The following BEND4 variants were observed in gnomAD, a reference collection of about 807,000 sequenced individuals.
BEND4 encodes BEN domain containing 4, also known as BEN domain-containing protein 4.
A neutral mutation model predicts 54.7 loss-of-function variants in BEND4; 27 were observed. The ratio of observed to expected loss-of-function variants is 0.49; its 90% confidence interval spans 0.36 to 0.68. The LOEUF (loss-of-function observed/expected upper bound fraction) is 0.68. BEND4 is among the 30% of genes least tolerant of loss of function. The pLI, the probability that BEND4 is intolerant of heterozygous loss-of-function variation, is 0.00. For missense variants in BEND4, 702 were observed against 697.2 expected, an observed-to-expected ratio of 1.01 and a Z score of -0.08; for synonymous variants, 327 against 299.5, an observed-to-expected ratio of 1.09 and a Z score of -0.95.
At chr4:42,139,592 A>G (rs374540642) in intron 3 of BEND4, among the ~76,000 whole-genome samples, 6,005 of 137,054 alleles carry the variant, frequency 0.044, 151 homozygotes, top group African/African-American at 0.08. Flanking sequence ...TTTATTTCAG[A>G]AAAAAAAAAA....
At chr4:42,137,415 G>C (rs759245199) in intron 3 of BEND4, among the ~76,000 whole-genome samples, 1 of 152,138 alleles carries the variant, frequency 6.6e-6, no homozygotes, top group African/African-American at 2.4e-5. Flanking sequence ...TAAAAGTCCT[G>C]GAAGACAAAG....
Position 42,151,618 on chromosome 4 carries a change from G to T in BEND4, c.487+39C>A, listed in dbSNP as rs551610629. On this transcript the variant is annotated intron_variant, in intron 2 of 5. Coordinates refer to ENST00000502486, the MANE Select transcript of BEND4 (RefSeq NM_207406.4). ...TCCTGGGTCCCCTCCCGCTGCCCCC[G>T]GCCGTGGCGGGAAGGAAAGTTGTGC... is the stretch of plus-strand genomic sequence containing the variant. 268 of 1,435,408 alleles carry T rather than the reference G, an allele frequency of 1.9e-4. 6 individuals are homozygous for T. In the South Asian group the frequency reaches 3.7e-3, roughly 20 times the overall value. The allele number at this position is 1,435,408 out of a possible 1,614,324, so 88.9% of individuals were successfully genotyped here.
In BEND4 at chr4:42,152,069, G is replaced by A; in HGVS notation, c.75C>T (p.Ser25=). Residue 25 remains serine, a synonymous_variant, in exon 2 of 6, where the codon AGC becomes AGT. Coordinates refer to ENST00000502486, the MANE Select transcript of BEND4 (RefSeq NM_207406.4). ...PKIYKQRSPY[S]VLKTFPSKRP... Reference sequence around the variant, plus strand: ...TCTTGCTGGGGAACGTCTTGAGGACGCTGTAGGGGCTGCGCTGCTTGTAGA... The same window carrying A: ...TCTTGCTGGGGAACGTCTTGAGGACACTGTAGGGGCTGCGCTGCTTGTAGA... The A allele has an allele frequency of 8.0e-7, 1 of 1,251,812 alleles. No homozygotes were observed. Among genetic ancestry groups the A allele is most frequent in the Non-Finnish European group, 1.0e-6 (1 of 990,506 alleles). The allele number at this position is 1,251,812 out of a possible 1,614,324, so 77.5% of individuals were successfully genotyped here.
At chr4:42,129,665 G>A (rs963714236) in intron 3 of BEND4, among the ~76,000 whole-genome samples, 85 of 152,166 alleles carry the variant, frequency 5.6e-4, no homozygotes, top group African/African-American at 2.0e-3. Flanking sequence ...GGGAGAACTG[G>A]CTAGCCATAT....
At position 42,151,863 on chromosome 4, in the gene BEND4, G is replaced by T; in HGVS notation, c.281C>A (p.Ala94Asp). The change falls in exon 2 of 6, where the codon GCC (alanine) becomes GAC (aspartate). Residue 94 changes from alanine (A) to aspartate (D), a missense_variant. Physicochemically the swap from Ala to Asp is moderately radical, Grantham distance 126. Coordinates refer to ENST00000502486, the MANE Select transcript of BEND4 (RefSeq NM_207406.4). ...SSYPPGPGRA[A>D]AAASSSSPSC... is the part of the protein sequence containing the mutation. Reference sequence around the variant, plus strand: ...CGGCGACGACGACGAAGCGGCGGCGGCGGCCCGGCCGGGCCCGGGGGGGTA... The same window carrying T: ...CGGCGACGACGACGAAGCGGCGGCGTCGGCCCGGCCGGGCCCGGGGGGGTA... 1.5e-6 allele frequency: 2 copies of T among 1,319,178 alleles called. No individual in the cohort carries two copies. Among genetic ancestry groups the T allele is most frequent in the Non-Finnish European group, 1.9e-6 (2 of 1,043,794 alleles). The allele number at this position is 1,319,178 out of a possible 1,614,324, so 81.7% of individuals were successfully genotyped here.
chr4:42,151,609 G>C, intron 2 of BEND4, 48 bp downstream of exon 2: 1 of 1,422,686 alleles, frequency 7.0e-7, no homozygotes, highest in Non-Finnish European at 9.1e-7. Context: ...GTCCCCTCCC[G>C]CTGCCCCCGG....
At chr4:42,148,417 A>G (rs1170213779) in intron 2 of BEND4, among the ~76,000 whole-genome samples, 1 of 152,238 alleles carries the variant, frequency 6.6e-6, no homozygotes, top group East Asian at 1.9e-4. Flanking sequence ...CATCCTGCTC[A>G]GTCAATCCCT....
chr4:42,125,022 G>A (rs186923053), intron 4 of BEND4, among the ~76,000 whole-genome samples: 2 of 152,276 alleles, frequency 1.3e-5, no homozygotes, highest in South Asian at 2.1e-4. Flanking sequence ...CTCAAGTCTC[G>A]TATGAAAGTC....
rs75268489 is a variant in BEND4 at position 42,140,096 on chromosome 4, G to C, written c.1054+3332C>G. Reference sequence around the variant, plus strand: ...AATGGGCATTGAGAGGTAAGGGCAAGAGGGCAGTGACTTCTCCCTTTGATC... The same window carrying C: ...AATGGGCATTGAGAGGTAAGGGCAACAGGGCAGTGACTTCTCCCTTTGATC... On this transcript the variant is annotated intron_variant, in intron 3 of 5. Transcript: ENST00000502486. Among the ~76,000 whole-genome samples, 670 of 152,310 alleles carry C rather than the reference G, an allele frequency of 4.4e-3. 5 individuals are homozygous for C. Among genetic ancestry groups the C allele is most frequent in the African/African-American group, 0.013 (555 of 41,558 alleles).
At chr4:42,132,365 T>G (rs909898585) in intron 3 of BEND4, among the ~76,000 whole-genome samples, 1 of 152,216 alleles carries the variant, frequency 6.6e-6, no homozygotes, top group African/African-American at 2.4e-5. Flanking sequence ...CAGGGGATCG[T>G]TGAGGAGCTG....
At position 42,111,448 on chromosome 4, in the gene BEND4, T is replaced by A. The variant is rs1430052856; in HGVS notation, c.*6070A>T. On this transcript the variant is annotated 3_prime_UTR_variant, in exon 6 of 6. Coordinates refer to ENST00000502486, the MANE Select transcript of BEND4 (RefSeq NM_207406.4). Reference sequence around the variant, plus strand: ...AGAGGAGAGACATAAAGGCAATGCCTAAATTGCGCAGGGTCGGGCTGGAAC... The same window carrying A: ...AGAGGAGAGACATAAAGGCAATGCCAAAATTGCGCAGGGTCGGGCTGGAAC... 1 of 152,142 alleles carries A rather than the reference T, an allele frequency of 6.6e-6. No individual in the cohort carries two copies. Among genetic ancestry groups the A allele is most frequent in the Admixed American group, 6.5e-5 (1 of 15,278 alleles). The allele number at this position is 152,142 out of a possible 1,614,324, so 9.4% of individuals were successfully genotyped here. A position where few individuals can be genotyped will look rare whatever the true frequency, so the allele number is the denominator to read the frequency against.
chr4:42,131,919 C>T (rs1720520402), intron 3 of BEND4, among the ~76,000 whole-genome samples: 1 of 152,124 alleles, frequency 6.6e-6, no homozygotes, highest in Non-Finnish European at 1.5e-5. Flanking sequence ...CCAAGGCCTG[C>T]TGCAAAGGAT....
intron 2 of BEND4, among the ~76,000 whole-genome samples, chr4:42,149,681 A>G (rs1721193342): frequency 6.6e-6 from 1 of 152,186 alleles, no homozygotes; most frequent in Non-Finnish European, 1.5e-5. Context: ...AGGACATCAG[A>G]AGGAACACTG....
At chr4:42,146,612 T>C (rs1721090916) in intron 2 of BEND4, among the ~76,000 whole-genome samples, 1 of 152,210 alleles carries the variant, frequency 6.6e-6, no homozygotes, top group African/African-American at 2.4e-5. Flanking sequence ...GTTTCTGTTC[T>C]TTTATTAGTA....
In BEND4 at chr4:42,111,244, T is replaced by C. The variant is rs1302438987; in HGVS notation, c.*6274A>G. On this transcript the variant is annotated 3_prime_UTR_variant, in exon 6 of 6. Transcript: ENST00000502486. Reference sequence around the variant, plus strand: ...TGTAGCTTTATTAACATATCCCTAGTGGGTATTAACTCTACACAGTACAAT... The same window carrying C: ...TGTAGCTTTATTAACATATCCCTAGCGGGTATTAACTCTACACAGTACAAT... 6.6e-6 allele frequency: 1 copy of C among 152,208 alleles called. No homozygotes were observed. Among genetic ancestry groups the C allele is most frequent in the South Asian group, 2.1e-4 (1 of 4,836 alleles). 9.4% of individuals were successfully genotyped at this position (152,208 alleles called of 1,614,324 possible).
At position 42,111,974 on chromosome 4, in the gene BEND4, C is replaced by A. The variant is rs1305822855; in HGVS notation, c.*5544G>T. On this transcript the variant is annotated 3_prime_UTR_variant, in exon 6 of 6. Coordinates refer to ENST00000502486, the MANE Select transcript of BEND4 (RefSeq NM_207406.4). ...GATCTTACGTAGGTCAAGCCTTATA[C>A]AGAAACCTGGGCAGATCCCAGAGGA... The A allele has an allele frequency of 6.6e-6, 1 of 152,194 alleles. No homozygotes were observed. The highest frequency in any genetic ancestry group is 1.5e-5 in the Non-Finnish European group (1 of 68,034). 9.4% of individuals were successfully genotyped at this position (152,194 alleles called of 1,614,324 possible).
At position 42,126,973 on chromosome 4, in the gene BEND4, T is replaced by C. The variant is rs530559781; in HGVS notation, c.1055-1299A>G. Among the ~76,000 whole-genome samples the C allele has an allele frequency of 8.5e-5, 13 of 152,380 alleles. No individual in the cohort carries two copies. The South Asian group carries it at 1.7e-3, about 19-fold the overall frequency. The stretch of plus-strand genomic sequence containing the variant: ...CTGTATTTCTTAGCTGTGTGTTTTC[T>C]TAAGATGTTCTTGTCACGTTCAAGA... On this transcript the variant is annotated intron_variant, in intron 3 of 5. Coordinates refer to ENST00000502486, the MANE Select transcript of BEND4 (RefSeq NM_207406.4).
Position 42,117,657 on chromosome 4 carries a change from T to C in BEND4, c.1466A>G (p.Asp489Gly). 1 of 1,611,472 alleles carries C rather than the reference T, an allele frequency of 6.2e-7. No homozygotes were observed. The highest frequency in any genetic ancestry group is 8.5e-7 in the Non-Finnish European group (1 of 1,178,846). Residue 489 changes from aspartate to glycine, a missense_variant, in exon 6 of 6, where the codon GAC becomes GGC. Transcript: ENST00000502486. ...SEEQINKVFS[D>G]AVGHARQGRA... ...CCCCTGTCGGGCGTGACCGACAGCG[T>C]CGCTGAACACTTTGTTTATCTGCTC...
chr4:42,127,531 T>C (rs1309775958), intron 3 of BEND4, among the ~76,000 whole-genome samples: 1 of 152,212 alleles, frequency 6.6e-6, no homozygotes, highest in African/African-American at 2.4e-5. Flanking sequence ...CATTAATTGC[T>C]GGAAAAAACC....
Sources: gnomAD v4.1 joint callset for allele counts (sites outside exome capture counted in the v4.1 genomes callset) on GRCh38, gnomAD v4.1.1 for gene constraint, MANE v1.5 for transcripts, NCBI Gene and HGNC (gene_info 2026-07-23, HGNC 2026-07-21) for gene names.